Variants in PRKG1 observed in about 807,000 individuals in gnomAD.
PRKG1 encodes cGMP-dependent protein kinase 1.
Under a neutral mutation model 88.1 loss-of-function variants are expected in PRKG1, and 35 were observed. The ratio of observed to expected loss-of-function variants is 0.40; its 90% CI spans 0.30 to 0.53. The LOEUF is 0.53. Among genes scored for constraint, PRKG1 ranks in the 20% least tolerant of loss-of-function variants. The pLI is 0.59. For missense variants in PRKG1, 540 were observed against 839.8 expected (o/e 0.64, Z 4.41); for synonymous variants, 303 against 292.5 (o/e 1.04, Z -0.37).
intron 3 of PRKG1, among the ~76,000 whole-genome samples, chr10:51,663,648 T>C (rs1452631409): frequency 6.6e-6 from 1 of 150,780 alleles, no homozygotes; most frequent in African/African-American, 2.4e-5. Flanking sequence ...GCGCAGAAGT[T>C]TGAGGTTGCA....
intron 3 of PRKG1, among the ~76,000 whole-genome samples, chr10:51,503,651 G>T (rs1446571366): frequency 6.6e-6 from 1 of 152,126 alleles, no homozygotes; most frequent in Non-Finnish European, 1.5e-5. Context: ...TATGCACCTG[G>T]CTTATCAGCT....
intron 2 of PRKG1, among the ~76,000 whole-genome samples, chr10:51,180,061 G>C (rs1437014771): frequency 1.3e-5 from 2 of 152,118 alleles, no homozygotes; most frequent in Non-Finnish European, 2.9e-5. Context: ...ATTCAAATGA[G>C]ACCATAGTAA....
At chr10:52,276,356 T>A (rs148828569) in intron 12 of PRKG1, among the ~76,000 whole-genome samples, 1 of 152,130 alleles carries the variant, frequency 6.6e-6, no homozygotes, top group East Asian at 1.9e-4. Context: ...TCTGCACAGA[T>A]TGCAACATAC....
At chr10:51,898,795 G>C (rs1841914352) in intron 4 of PRKG1, among the ~76,000 whole-genome samples, 1 of 152,100 alleles carries the variant, frequency 6.6e-6, no homozygotes, top group Admixed American at 6.6e-5. Flanking sequence ...CTACACAACA[G>C]CATTGGTGAC....
At chr10:51,648,430 T>C (rs914206461) in intron 3 of PRKG1, among the ~76,000 whole-genome samples, 2 of 152,180 alleles carry the variant, frequency 1.3e-5, no homozygotes, top group Non-Finnish European at 2.9e-5. Flanking sequence ...CATAATCAAG[T>C]AAGGAGAATT....
At chr10:52,262,654 A>G (rs1353868799) in intron 10 of PRKG1, among the ~76,000 whole-genome samples, 2 of 152,152 alleles carry the variant, frequency 1.3e-5, no homozygotes, top group East Asian at 3.9e-4. Flanking sequence ...TTATTATTAC[A>G]ATATTTTAAC....
intron 2 of PRKG1, among the ~76,000 whole-genome samples, chr10:51,210,745 G>C (rs990957693): frequency 2.6e-5 from 4 of 152,000 alleles, no homozygotes; most frequent in South Asian, 2.1e-4. Flanking sequence ...GACACATACA[G>C]TCTCCCAAGA....
rs546880349 is a variant in PRKG1, at chr10:51,209,527, T to C, written c.478+56197T>C. ...AGACAGTGTTGATTGTCCTATTTTC[T>C]TTCTTGTTTTAGTAGTTACTAACAT... is the stretch of plus-strand genomic sequence containing the variant. On this transcript the variant is annotated intron_variant, in intron 2 of 17. Transcript: ENST00000373980. Among the ~76,000 whole-genome samples the C allele has an allele frequency of 4.6e-5, 7 of 152,354 alleles. No homozygotes were observed. The South Asian group carries it at 1.4e-3, about 32-fold the overall frequency.
intron 5 of PRKG1, among the ~76,000 whole-genome samples, chr10:51,970,686 G>GAT (rs10627948): frequency 0.11 from 15,559 of 139,688 alleles, 1,295 homozygotes; most frequent in East Asian, 0.37. Flanking sequence ...TTAATCATCT[G>GAT]ATATATATAT....
chr10:52,270,073 T>G (rs1841677182), intron 10 of PRKG1, among the ~76,000 whole-genome samples: 2 of 152,072 alleles, frequency 1.3e-5, no homozygotes, highest in Non-Finnish European at 2.9e-5. Flanking sequence ...CTTGTTACAA[T>G]TTTTTTTCTC....
chr10:52,026,750 G>A (rs964988171), intron 5 of PRKG1, among the ~76,000 whole-genome samples: 101 of 152,292 alleles, frequency 6.6e-4, no homozygotes, highest in African/African-American at 1.4e-3. Flanking sequence ...GCCGAGGCAC[G>A]CGGATCACCA....
chr10:52,126,327 G>A (rs1847930124), intron 7 of PRKG1, among the ~76,000 whole-genome samples: 3 of 151,792 alleles, frequency 2.0e-5, no homozygotes, highest in African/African-American at 2.4e-5. Context: ...TATATTCATG[G>A]GACATATAAG....
At chr10:52,085,827 G>C (rs571318163) in intron 7 of PRKG1, among the ~76,000 whole-genome samples, 32 of 151,616 alleles carry the variant, frequency 2.1e-4, no homozygotes, top group Non-Finnish European at 2.8e-4. Flanking sequence ...CCCTTTCCCT[G>C]GTTCCTAACA....
intron 3 of PRKG1, among the ~76,000 whole-genome samples, chr10:51,558,967 T>A (rs1192396357): frequency 1.3e-5 from 2 of 152,094 alleles, no homozygotes; most frequent in Admixed American, 1.3e-4. Flanking sequence ...GTATCAACAG[T>A]GCAGTAAGAT....
chr10:52,153,387 A>G (rs1837995676), intron 8 of PRKG1, among the ~76,000 whole-genome samples: 1 of 152,208 alleles, frequency 6.6e-6, no homozygotes, highest in Non-Finnish European at 1.5e-5. Flanking sequence ...AGTAATAAGG[A>G]AGATAATGGC....
At chr10:51,079,953 G>A (rs1227768705) in intron 1 of PRKG1, among the ~76,000 whole-genome samples, 1 of 152,126 alleles carries the variant, frequency 6.6e-6, no homozygotes, top group Admixed American at 6.5e-5. Flanking sequence ...GACTAGCACT[G>A]CAGATTCCTC....
At chr10:51,519,926 G>A (rs1191817768) in intron 3 of PRKG1, among the ~76,000 whole-genome samples, 1 of 152,098 alleles carries the variant, frequency 6.6e-6, no homozygotes, top group Non-Finnish European at 1.5e-5. Context: ...ACCAGTTACT[G>A]TATTTCTACT....
chr10:52,010,156 AT>A (rs1844844017), intron 5 of PRKG1, among the ~76,000 whole-genome samples: 1 of 152,198 alleles, frequency 6.6e-6, no homozygotes. Context: ...TTGCAAAAAA[AT>A]CAAAAATTGG....
chr10:51,432,369 G>A (rs1199352833), intron 2 of PRKG1, among the ~76,000 whole-genome samples: 2 of 151,864 alleles, frequency 1.3e-5, no homozygotes, highest in African/African-American at 2.4e-5. Flanking sequence ...TTTATTTTTA[G>A]ACAAGGGCAT....
Sources: allele counts gnomAD v4.1 joint callset (sites outside exome capture counted in the v4.1 genomes callset), GRCh38; gene constraint gnomAD v4.1.1; transcripts MANE v1.5; gene names NCBI Gene and HGNC (gene_info 2026-07-23, HGNC 2026-07-21).